The following VWA5B1 variants were observed in gnomAD, a reference collection of about 807,000 sequenced individuals.
VWA5B1 encodes von Willebrand factor A domain-containing protein 5B1.
In VWA5B1, 115 loss-of-function variants were observed where a neutral mutation model predicts 118.2. The observed-to-expected ratio is 0.97, with a 90% CI of 0.84 to 1.14. The LOEUF is 1.14. VWA5B1 is among the 50% of genes most tolerant of loss of function. The probability of loss-of-function intolerance (pLI) is 0.00; values close to 1 mark genes in which losing one functional copy is unlikely to be tolerated. For synonymous variants in VWA5B1, 682 were observed against 658.4 expected (o/e 1.04, Z -0.55); for missense variants, 1,596 against 1,603.8 (o/e 1.00, Z 0.08).
At chr1:20,345,760 G>A (rs148903768) in intron 17 of VWA5B1, among the ~76,000 whole-genome samples, 167 bp downstream of exon 17, 4 of 152,318 alleles carry the variant, frequency 2.6e-5, no homozygotes, top group East Asian at 1.9e-4. Context: ...GGGGGTGGGC[G>A]CCCCTGGGGC....
intron 7 of VWA5B1, among the ~76,000 whole-genome samples, chr1:20,322,574 C>T (rs966087559): frequency 8.5e-5 from 13 of 152,144 alleles, no homozygotes; most frequent in African/African-American, 3.1e-4. Flanking sequence ...GATGACCTGC[C>T]CTCAAGTATA....
At chr1:20,310,766 C>A in intron 2 of VWA5B1, 26 bp downstream of exon 2, 3 of 1,513,346 alleles carry the variant, frequency 2.0e-6, no homozygotes, top group Non-Finnish European at 8.8e-7. Flanking sequence ...GGGGCCTCCC[C>A]GGGACCACCC....
chr1:20,310,552 T>G (rs1570083449), intron 1 of VWA5B1, 24 bp from the exon 2 acceptor site: 1 of 1,466,972 alleles, frequency 6.8e-7, no homozygotes, highest in Non-Finnish European at 9.0e-7. Flanking sequence ...TCTTCCCACT[T>G]CCTGCCCTTC....
At position 20,330,859 on chromosome 1, in the gene VWA5B1, T is replaced by A. The variant is rs2072753; in HGVS notation, c.1458-10T>A. On this transcript the variant is annotated splice_polypyrimidine_tract_variant and intron_variant, in intron 10 of 21. Coordinates refer to ENST00000289815, the MANE Select transcript of VWA5B1 (RefSeq NM_001039500.3). ...AAGACATAGCAGCCTCTCTTCTCCC[T>A]TTCCGCCAGGTGCTATAGCTTTGGA... 1 of 1,551,128 alleles carries A rather than the reference T, an allele frequency of 6.4e-7. No homozygotes were observed.
intron 2 of VWA5B1, among the ~76,000 whole-genome samples, chr1:20,311,377 C>T (rs2088843785): frequency 6.6e-6 from 1 of 152,246 alleles, no homozygotes; most frequent in Non-Finnish European, 1.5e-5. Context: ...CAGTCAAAGC[C>T]AGGAGCCTCC....
intron 20 of VWA5B1, 41 bp downstream of exon 20, chr1:20,350,967 C>T: frequency 1.3e-6 from 2 of 1,541,632 alleles, no homozygotes; most frequent in Non-Finnish European, 1.8e-6. Flanking sequence ...TCCTGCCACC[C>T]ATTTTCCTGG....
intron 8 of VWA5B1, 43 bp downstream of exon 8, chr1:20,323,575 G>A (rs1057508821): frequency 6.7e-6 from 9 of 1,339,440 alleles, no homozygotes; most frequent in Middle Eastern, 2.1e-4. Context: ...GGGGCTCCAG[G>A]GGAAATCAGC....
chr1:20,323,558 AGGACCC>A, intron 8 of VWA5B1, 26 bp downstream of exon 8: 1 of 1,371,250 alleles, frequency 7.3e-7, no homozygotes, highest in South Asian at 1.8e-5. Context: ...ACCCCTCCCG[AGGACCC>A]GGGGCTCCAG....
rs764856363 is a variant in VWA5B1 at position 20,343,337 on chromosome 1, G to A, written c.2570G>A (p.Arg857His). The change falls in exon 16 of 22, where the codon CGC becomes CAC. Residue 857 changes from arginine (R) to histidine (H), a missense_variant. Arg to His is a conservative substitution (Grantham distance 29). Coordinates refer to ENST00000289815, the MANE Select transcript of VWA5B1 (RefSeq NM_001039500.3). ...WSETFHHLAA[R>H]AIIRDFEQLA... ...GAGACCTTCCACCACCTGGCGGCCC[G>A]CGCCATCATCCGCGACTTCGAGCAG... The A allele has an allele frequency of 7.3e-5, 113 of 1,542,412 alleles. No individual in the cohort carries two copies. Among genetic ancestry groups the A allele is most frequent in the Non-Finnish European group, 9.5e-5 (109 of 1,145,098 alleles).
At chr1:20,328,416 G>A (rs1318595196) in intron 9 of VWA5B1, among the ~76,000 whole-genome samples, 2 of 152,088 alleles carry the variant, frequency 1.3e-5, no homozygotes, top group Admixed American at 1.3e-4. Flanking sequence ...AGTGGGCGTG[G>A]CAGCGGGCTA....
chr1:20,292,871 C>G (rs2100790524), intron 1 of VWA5B1, among the ~76,000 whole-genome samples: 2 of 152,264 alleles, frequency 1.3e-5, no homozygotes, highest in South Asian at 2.1e-4. Context: ...GCCTGCAGAC[C>G]CCACTGCCTT....
chr1:20,350,830 C>G, intron 19 of VWA5B1, 27 bp from the exon 20 acceptor site: 1 of 1,551,136 alleles, frequency 6.4e-7, no homozygotes, highest in Non-Finnish European at 8.7e-7. Flanking sequence ...CTTCAGGTCT[C>G]AACTTGGTCA....
rs1048905122 is a variant in VWA5B1, at chr1:20,358,457, A to AG, written c.*4199dup. Among the ~76,000 whole-genome samples the AG allele has an allele frequency of 1.3e-5, 2 of 152,118 alleles. No homozygotes were observed. The highest frequency in any genetic ancestry group is 2.9e-5 in the Non-Finnish European group (2 of 68,014). The stretch of plus-strand genomic sequence containing the variant: ...ACTCCCCATGAGAGGGAAGGAGGAA[A>AG]GGGGGTCTCCCCTATCTGTGTACAG... On this transcript the variant is annotated 3_prime_UTR_variant, in exon 22 of 22. Coordinates refer to ENST00000289815, the MANE Select transcript of VWA5B1 (RefSeq NM_001039500.3).
In VWA5B1 at chr1:20,336,445, A is replaced by G. The variant is rs10916769; in HGVS notation, c.1901A>G (p.Lys634Arg). The stretch of plus-strand genomic sequence containing the variant: ...GCACCCTTCATCCTAGGGCAGGCCA[A>G]AAATGCCCGGCTAGCCAGCGGAGAC... ...SGAPFILGQA[K>R]NARLASGDST... Residue 634 changes from lysine to arginine, a missense_variant, in exon 13 of 22, where the codon AAA (lysine) becomes AGA (arginine). Lys to Arg is a conservative substitution (Grantham distance 26). Coordinates refer to ENST00000289815, the MANE Select transcript of VWA5B1 (RefSeq NM_001039500.3). The G allele has an allele frequency of 0.2, 298,585 of 1,483,784 alleles. 31,592 individuals carry two copies. Among genetic ancestry groups the G allele is most frequent in the East Asian group, 0.39 (15,081 of 38,330 alleles). 91.9% of individuals were successfully genotyped at this position (1,483,784 alleles called of 1,614,324 possible).
chr1:20,301,957 T>C (rs1160235569), intron 1 of VWA5B1, among the ~76,000 whole-genome samples: 1 of 152,166 alleles, frequency 6.6e-6, no homozygotes, highest in East Asian at 1.9e-4. Context: ...TGTAAACCAC[T>C]TCCTCGTTGA....
intron 21 of VWA5B1, 109 bp from the exon 22 acceptor site, chr1:20,353,648 C>G: frequency 1.4e-6 from 2 of 1,385,388 alleles, no homozygotes; most frequent in Non-Finnish European, 1.9e-6. Context: ...CTGAAAATCC[C>G]CCAGGCAGGC....
chr1:20,314,615 A>G (rs2088949031), intron 4 of VWA5B1, 23 bp downstream of exon 4: 1 of 1,546,426 alleles, frequency 6.5e-7, no homozygotes, highest in Non-Finnish European at 8.7e-7. Flanking sequence ...TGCCCAGACC[A>G]ATCAGAGTCC....
chr1:20,291,983 C>A (rs1428424635), intron 1 of VWA5B1, among the ~76,000 whole-genome samples: 1 of 152,104 alleles, frequency 6.6e-6, no homozygotes, highest in East Asian at 1.9e-4. Flanking sequence ...GGGGCCAGAA[C>A]CTTTCCCTCC....
At chr1:20,349,088 T>C in intron 18 of VWA5B1, 1 of 342,792 alleles carries the variant, frequency 2.9e-6, no homozygotes, top group East Asian at 9.2e-5. Flanking sequence ...TAAGGATTTT[T>C]TTATTCCAGG....
Sources: gnomAD v4.1 joint callset for allele counts (sites outside exome capture counted in the v4.1 genomes callset) on GRCh38, gnomAD v4.1.1 for gene constraint, MANE v1.5 for transcripts, NCBI Gene and HGNC (gene_info 2026-07-23, HGNC 2026-07-21) for gene names.